The following NPAS2 variants were observed in gnomAD, a reference collection of about 807,000 sequenced individuals.
NPAS2 encodes neuronal PAS domain-containing protein 2.
A neutral mutation model predicts 107.5 loss-of-function variants in NPAS2; 23 were observed. The observed-to-expected ratio is 0.21, with a 90% CI of 0.15 to 0.30. The LOEUF is 0.30. Among genes scored for constraint, NPAS2 ranks in the 10% least tolerant of loss-of-function variants. NPAS2 has a pLI of 1.00. For synonymous variants in NPAS2, 403 were observed against 417.5 expected (o/e 0.97, Z 0.42); for missense variants, 756 against 1,043.3 (o/e 0.72, Z 3.79).
intron 1 of NPAS2, among the ~76,000 whole-genome samples, chr2:100,866,723 T>C (rs1286546206): frequency 6.6e-6 from 1 of 152,248 alleles, no homozygotes; most frequent in Non-Finnish European, 1.5e-5. Context: ...CACTAGATGA[T>C]ACATCTGTGA....
At position 100,965,406 on chromosome 2, in the gene NPAS2, C is replaced by T. The variant is rs920016677; in HGVS notation, c.801-254C>T. ...CCAATTTGTAGCTGTTTTTAATTAC[C>T]CAGTAGTGATAAAGCTTATTGTTAT... is the stretch of plus-strand genomic sequence containing the variant. On this transcript the variant is annotated intron_variant, in intron 9 of 20. Coordinates refer to ENST00000335681, the MANE Select transcript of NPAS2 (RefSeq NM_002518.4). This position sits in a 1 kb window ranked among gnomAD's most constrained non-coding sequence, Gnocchi z 4.3. 1.3e-5 allele frequency among the ~76,000 whole-genome samples: 2 copies of T among 152,000 alleles called. No individual in the cohort carries two copies. The highest frequency in any genetic ancestry group is 2.9e-5 in the Non-Finnish European group (2 of 68,002).
intron 1 of NPAS2, among the ~76,000 whole-genome samples, chr2:100,842,081 G>GCGCACGCGCACACACACACA: frequency 2.0e-5 from 3 of 148,798 alleles, no homozygotes; most frequent in Non-Finnish European, 4.5e-5. Context: ...GCATGTACGC[G>GCGCACGCGCACACACACACA]CACACACACA....
At chr2:100,944,155 T>C (rs1402606105) in intron 5 of NPAS2, among the ~76,000 whole-genome samples, 1 of 152,144 alleles carries the variant, frequency 6.6e-6, no homozygotes, top group Non-Finnish European at 1.5e-5. Flanking sequence ...TCCTGGACCT[T>C]TAGGGAGACC....
chr2:100,947,130 G>A (rs1403144396), intron 5 of NPAS2, among the ~76,000 whole-genome samples: 1 of 152,220 alleles, frequency 6.6e-6, no homozygotes, highest in Admixed American at 6.5e-5. Flanking sequence ...GAAGCTGTGA[G>A]AGTGGATGGG....
chr2:100,871,029 G>A (rs1049792560), intron 1 of NPAS2, among the ~76,000 whole-genome samples: 2 of 152,144 alleles, frequency 1.3e-5, no homozygotes, highest in African/African-American at 4.8e-5. Context: ...GCTAGCCTGG[G>A]TGTCCCATCA....
intron 2 of NPAS2, among the ~76,000 whole-genome samples, chr2:100,922,112 G>T (rs1683262266): frequency 4.6e-5 from 7 of 152,172 alleles, no homozygotes; most frequent in Admixed American, 4.6e-4. Context: ...ATCAGTGGTT[G>T]GTTGCCTGTG....
intron 4 of NPAS2, among the ~76,000 whole-genome samples, chr2:100,936,950 C>G (rs1166976214): frequency 6.8e-6 from 1 of 147,440 alleles, no homozygotes; most frequent in African/African-American, 2.5e-5. Context: ...CCACTGCACT[C>G]CAGCCTGGGT....
intron 19 of NPAS2, among the ~76,000 whole-genome samples, chr2:100,991,896 A>G (rs1678157395): frequency 1.3e-5 from 2 of 152,132 alleles, no homozygotes; most frequent in Admixed American, 6.5e-5. Flanking sequence ...TTCAAAGTCC[A>G]CCTTGTTGGC....
chr2:100,984,282 A>G (rs1222545419), intron 16 of NPAS2: 3 of 152,212 alleles, frequency 2.0e-5, no homozygotes, highest in Non-Finnish European at 4.4e-5. Flanking sequence ...ACTTAAAGAA[A>G]TATGTTCCAA....
intron 1 of NPAS2, among the ~76,000 whole-genome samples, chr2:100,901,269 G>A (rs1681752373): frequency 1.3e-5 from 2 of 152,038 alleles, no homozygotes; most frequent in Admixed American, 6.6e-5. Context: ...TAATCAATAC[G>A]GTTGTCACTC....
At chr2:100,872,597 T>A (rs1679647706) in intron 1 of NPAS2, among the ~76,000 whole-genome samples, 1 of 152,174 alleles carries the variant, frequency 6.6e-6, no homozygotes, top group Non-Finnish European at 1.5e-5. Flanking sequence ...TCATTTATAT[T>A]TGTTCTCTAT....
rs774930283 is a variant in NPAS2 at position 100,968,762 on chromosome 2, A to G, written c.1055+334A>G. 3.9e-5 allele frequency among the ~76,000 whole-genome samples: 6 copies of G among 152,082 alleles called. No homozygotes were observed. The highest frequency in any genetic ancestry group is 4.8e-5 in the African/African-American group (2 of 41,400). On this transcript the variant is annotated intron_variant, in intron 11 of 20. Coordinates refer to ENST00000335681, the MANE Select transcript of NPAS2 (RefSeq NM_002518.4). This position sits in a 1 kb window ranked among gnomAD's most constrained non-coding sequence, Gnocchi z 5.3. ...CCTACTTACATATTTTCCCATCTCT[A>G]TCCAGCCCACAGCCTTCCCTTGTTC...
intron 1 of NPAS2, chr2:100,821,166 C>T (rs1441181256): frequency 7.7e-7 from 1 of 1,304,690 alleles, no homozygotes; most frequent in Non-Finnish European, 1.0e-6. Flanking sequence ...GAACCAGTCC[C>T]GCTCCTCTGC....
chr2:100,864,826 A>G (rs1679158936), intron 1 of NPAS2, among the ~76,000 whole-genome samples: 1 of 152,230 alleles, frequency 6.6e-6, no homozygotes, highest in Non-Finnish European at 1.5e-5. Flanking sequence ...GGGTTTATCT[A>G]TGAGTATTTA....
intron 1 of NPAS2, among the ~76,000 whole-genome samples, chr2:100,873,297 TATATATATATAC>T (rs1305129360): frequency 1.5e-3 from 66 of 42,616 alleles, no homozygotes; most frequent in African/African-American, 4.6e-3. Flanking sequence ...TATATATATA[TATATATATATAC>T]ACACACACAC....
chr2:100,944,042 T>G (rs911326026), intron 5 of NPAS2, among the ~76,000 whole-genome samples: 1 of 152,168 alleles, frequency 6.6e-6, no homozygotes, highest in African/African-American at 2.4e-5. Flanking sequence ...TATTACAAAG[T>G]CAAAGCCATT....
chr2:100,836,511 G>T (rs902744579), intron 1 of NPAS2, among the ~76,000 whole-genome samples: 1 of 152,170 alleles, frequency 6.6e-6, no homozygotes, highest in Non-Finnish European at 1.5e-5. Context: ...CAACGCCTGC[G>T]CCTGGGGACA....
intron 1 of NPAS2, among the ~76,000 whole-genome samples, chr2:100,852,681 G>C (rs1678278325): frequency 6.6e-6 from 1 of 152,102 alleles, no homozygotes; most frequent in Non-Finnish European, 1.5e-5. Context: ...ACTCACAGTG[G>C]AGTCACCGCC....
chr2:100,952,106 C>T (rs1459351421), intron 7 of NPAS2, among the ~76,000 whole-genome samples: 3 of 143,016 alleles, frequency 2.1e-5, no homozygotes, highest in Non-Finnish European at 3.0e-5. Context: ...GAGCCGAGAT[C>T]GTGCCACTGC....
Sources: allele counts gnomAD v4.1 joint callset (sites outside exome capture counted in the v4.1 genomes callset), GRCh38; gene constraint gnomAD v4.1.1; non-coding constraint Gnocchi (gnomAD v3.1); transcripts MANE v1.5; gene names NCBI Gene and HGNC (gene_info 2026-07-23, HGNC 2026-07-21).